Variants in PHF21B observed in about 807,000 individuals in gnomAD.
PHF21B encodes PHD finger protein 21B, also known as PHD finger protein 4.
In PHF21B, 22 loss-of-function variants were observed where a neutral mutation model predicts 62.2. The ratio of observed to expected loss-of-function variants is 0.35; its 90% CI spans 0.25 to 0.51. The LOEUF is 0.51. Among genes scored for constraint, PHF21B ranks in the 20% least tolerant of loss-of-function variants. The pLI, the probability that PHF21B is intolerant of heterozygous loss-of-function variation, is 0.97. For missense variants in PHF21B, 701 were observed against 707.9 expected, an observed-to-expected ratio of 0.99 and a Z score of 0.11; for synonymous variants, 341 against 314.7, an observed-to-expected ratio of 1.08 and a Z score of -0.88.
At chr22:44,986,236 T>C (rs1945112382) in intron 2 of PHF21B, among the ~76,000 whole-genome samples, 2 of 146,272 alleles carry the variant, frequency 1.4e-5, no homozygotes, top group South Asian at 4.5e-4. Flanking sequence ...ATCACCATCA[T>C]TATGACAACC....
At chr22:44,995,796 C>G (rs557916133) in intron 2 of PHF21B, among the ~76,000 whole-genome samples, 3 of 146,610 alleles carry the variant, frequency 2.0e-5, no homozygotes, top group African/African-American at 7.6e-5. Flanking sequence ...CCCCGCCCCC[C>G]ACCTCCACCC....
intron 5 of PHF21B, among the ~76,000 whole-genome samples, chr22:44,906,112 G>A (rs112748673): frequency 6.6e-6 from 1 of 152,168 alleles, no homozygotes; most frequent in Non-Finnish European, 1.5e-5. Context: ...TCCGAACCAA[G>A]GGTGTGGGTC....
chr22:44,932,093 G>A (rs1429498590), intron 2 of PHF21B, among the ~76,000 whole-genome samples: 2 of 152,242 alleles, frequency 1.3e-5, no homozygotes, highest in African/African-American at 4.8e-5. Flanking sequence ...AGAGGACCCG[G>A]GGCAGAGGCT....
chr22:44,932,117 C>T (rs2071754054), intron 2 of PHF21B, among the ~76,000 whole-genome samples: 1 of 152,232 alleles, frequency 6.6e-6, no homozygotes, highest in Admixed American at 6.5e-5. Flanking sequence ...GGCCTCGAAC[C>T]TCCACTGGGA....
intron 2 of PHF21B, among the ~76,000 whole-genome samples, chr22:45,007,086 G>C (rs2073328704): frequency 6.6e-6 from 1 of 151,844 alleles, no homozygotes; most frequent in Admixed American, 6.5e-5. Context: ...TCCCGGACGG[G>C]GGCGCGCGGC....
At chr22:44,975,331 CTG>C (rs1163166764) in intron 2 of PHF21B, among the ~76,000 whole-genome samples, 1 of 152,168 alleles carries the variant, frequency 6.6e-6, no homozygotes, top group Non-Finnish European at 1.5e-5. Context: ...CACCGTGACA[CTG>C]TTCCTTCCGG....
At chr22:44,989,026 T>G (rs1389861785) in intron 2 of PHF21B, 2 of 152,016 alleles carry the variant, frequency 1.3e-5, no homozygotes, top group African/African-American at 4.8e-5. Context: ...CCTAATCACC[T>G]CCCAAGGCCC....
At chr22:44,981,265 T>A (rs2072837151) in intron 2 of PHF21B, among the ~76,000 whole-genome samples, 1 of 152,138 alleles carries the variant, frequency 6.6e-6, no homozygotes, top group South Asian at 2.1e-4. Flanking sequence ...AGCGGCATGA[T>A]CTGTTCAACA....
chr22:44,945,720 G>A (rs900273286), intron 2 of PHF21B, among the ~76,000 whole-genome samples: 5 of 22,584 alleles, frequency 2.2e-4, no homozygotes, highest in Non-Finnish European at 5.2e-4. Flanking sequence ...CAGAATTGGG[G>A]GGGGGGTGGT....
intron 6 of PHF21B, among the ~76,000 whole-genome samples, chr22:44,894,588 C>T (rs562880923): frequency 6.6e-6 from 1 of 152,274 alleles, no homozygotes; most frequent in African/African-American, 2.4e-5. Context: ...CACCATCAGG[C>T]GGGGAGCTCA....
At chr22:45,007,615 G>A (rs1257762611) in intron 2 of PHF21B, among the ~76,000 whole-genome samples, 2 of 146,010 alleles carry the variant, frequency 1.4e-5, no homozygotes, top group Non-Finnish European at 3.0e-5. Context: ...CCGCCCCCGT[G>A]CCCGCCACAG....
intron 6 of PHF21B, among the ~76,000 whole-genome samples, chr22:44,893,801 C>T (rs563738082): frequency 6.6e-5 from 10 of 152,386 alleles, no homozygotes; most frequent in Non-Finnish European, 1.3e-4. Flanking sequence ...ACTCTTAGCA[C>T]GGGGTCCTCC....
chr22:44,992,567 G>A (rs2073058042), intron 2 of PHF21B, among the ~76,000 whole-genome samples: 1 of 152,254 alleles, frequency 6.6e-6, no homozygotes, highest in Non-Finnish European at 1.5e-5. Flanking sequence ...GTCTTCCACA[G>A]GCTGGACTGA....
chr22:44,939,177 G>A (rs565159339), intron 2 of PHF21B, among the ~76,000 whole-genome samples: 2 of 152,298 alleles, frequency 1.3e-5, no homozygotes, highest in Admixed American at 6.5e-5. Flanking sequence ...GGAGACTCCC[G>A]CTGAGCCAAA....
intron 2 of PHF21B, among the ~76,000 whole-genome samples, chr22:44,996,154 G>T (rs573701096): frequency 4.6e-4 from 70 of 152,276 alleles, no homozygotes; most frequent in Middle Eastern, 3.4e-3. Context: ...CAGCTGAGGG[G>T]CTCGGTCTCT....
intron 2 of PHF21B, among the ~76,000 whole-genome samples, chr22:44,994,731 T>C (rs1042373456): frequency 1.3e-5 from 2 of 152,184 alleles, no homozygotes; most frequent in Admixed American, 1.3e-4. Flanking sequence ...TTTCCTCCCC[T>C]GGCACCCACT....
intron 5 of PHF21B, among the ~76,000 whole-genome samples, chr22:44,912,792 T>C (rs1178722741): frequency 7.2e-6 from 1 of 138,688 alleles, no homozygotes; most frequent in Non-Finnish European, 1.5e-5. Flanking sequence ...GGTGGGAGGA[T>C]CACTTGAGCC....
At chr22:44,995,980 C>T (rs1220531078) in intron 2 of PHF21B, among the ~76,000 whole-genome samples, 2 of 152,140 alleles carry the variant, frequency 1.3e-5, no homozygotes, top group East Asian at 1.9e-4. Context: ...CAGTTCACCT[C>T]GATCTGCAGG....
intron 2 of PHF21B, among the ~76,000 whole-genome samples, chr22:44,978,991 A>G (rs554852461): frequency 3.9e-4 from 59 of 152,318 alleles, no homozygotes; most frequent in Non-Finnish European, 7.4e-4. Context: ...CCTCACCCCC[A>G]GTAACAACCA....
Sources: gnomAD v4.1 joint callset for allele counts (sites outside exome capture counted in the v4.1 genomes callset) on GRCh38, gnomAD v4.1.1 for gene constraint, MANE v1.5 for transcripts, NCBI Gene and HGNC (gene_info 2026-07-23, HGNC 2026-07-21) for gene names.